KLRG1: variants seen among roughly 807,000 people sequenced by gnomAD.
KLRG1 encodes the protein killer cell lectin like receptor G1.
Under a neutral mutation model 21.8 loss-of-function variants are expected in KLRG1, and 16 were observed. The ratio of observed to expected loss-of-function variants is 0.73; its 90% CI spans 0.50 to 1.11. The LOEUF is 1.11. Ranked by LOEUF, KLRG1 falls within the 50% of genes most tolerant of loss-of-function variation. The pLI, the probability that KLRG1 is intolerant of heterozygous loss-of-function variation, is 0.00. For synonymous variants in KLRG1, 69 were observed against 75.9 expected (o/e 0.91, Z 0.47); for missense variants, 173 against 218.3 (o/e 0.79, Z 1.31).
At chr12:9,142,071 A>C in the KLRG1 span, among the ~76,000 whole-genome samples, 1 of 152,182 alleles carries the variant, frequency 6.6e-6, no homozygotes, top group Non-Finnish European at 1.5e-5. Context: ...TGTTGTAAAC[A>C]TCCCTCTCTT....
rs567115573 is a variant in KLRG1, at chr12:8,974,230, C to T, written c.-155-17976C>T. 7.1e-3 allele frequency among the ~76,000 whole-genome samples: 1,073 copies of T among 151,302 alleles called. 11 individuals carry two copies. The highest frequency in any genetic ancestry group is 0.024 in the African/African-American group (978 of 41,222). ...TTGCCCAGGCTGGAGTGCAGTGGCG[C>T]GATCTCGGCTCACTGCAAGCTCCGC... On this transcript the variant is annotated intron_variant, in intron 1 of 4. Coordinates refer to the KLRG1 transcript ENST00000539240.
the KLRG1 span, chr12:9,098,892 A>G: frequency 3.1e-5 from 28 of 892,452 alleles, no homozygotes; most frequent in South Asian, 1.2e-4. Context: ...CATTGTGTCA[A>G]TCCTGAAGCT....
the KLRG1 span, chr12:9,090,635 G>A: frequency 1.3e-6 from 1 of 760,878 alleles, no homozygotes; most frequent in Non-Finnish European, 2.1e-6. Context: ...ATATATTTAA[G>A]TGGATCTTAA....
chr12:9,202,715 GA>G, the KLRG1 span: 12 of 1,598,246 alleles, frequency 7.5e-6, no homozygotes, highest in Non-Finnish European at 1.0e-5. Context: ...TACTACTGAG[GA>G]ACTGTGCAGT....
At chr12:9,213,495 G>A in the KLRG1 span, among the ~76,000 whole-genome samples, 4 of 151,966 alleles carry the variant, frequency 2.6e-5, no homozygotes, top group Non-Finnish European at 5.9e-5. Flanking sequence ...TTGTTATTCT[G>A]TCTATATTTA....
At chr12:8,965,316 A>G (rs1261051507) in intron 1 of KLRG1, among the ~76,000 whole-genome samples, 1 of 152,142 alleles carries the variant, frequency 6.6e-6, no homozygotes, top group Non-Finnish European at 1.5e-5. Flanking sequence ...TATTCAACAT[A>G]GTGTTGGAAG....
chr12:8,972,258 C>G (rs1354894685), intron 1 of KLRG1, among the ~76,000 whole-genome samples: 1 of 152,076 alleles, frequency 6.6e-6, no homozygotes, highest in Non-Finnish European at 1.5e-5. Flanking sequence ...CCTGGGTTCA[C>G]ACCATTCTCC....
At chr12:9,105,643 G>A in the KLRG1 span, among the ~76,000 whole-genome samples, 3 of 151,878 alleles carry the variant, frequency 2.0e-5, no homozygotes, top group Non-Finnish European at 2.9e-5. Context: ...AGATTTTTTT[G>A]GTAGATAACA....
chr12:9,130,803 T>C, the KLRG1 span, among the ~76,000 whole-genome samples: 1 of 152,174 alleles, frequency 6.6e-6, no homozygotes, highest in Non-Finnish European at 1.5e-5. Flanking sequence ...TCAAGTTTGA[T>C]GTAGTCCCAT....
the KLRG1 span, among the ~76,000 whole-genome samples, chr12:9,174,114 A>G: frequency 6.6e-6 from 1 of 152,248 alleles, no homozygotes; most frequent in Non-Finnish European, 1.5e-5. Context: ...CAGCACGTCA[A>G]AAAGCTTATC....
intron 1 of KLRG1, among the ~76,000 whole-genome samples, chr12:8,966,491 A>G (rs1192380788): frequency 2.0e-5 from 3 of 152,190 alleles, no homozygotes; most frequent in East Asian, 3.8e-4. Context: ...CAAATTTACA[A>G]GAAAAAAACA....
chr12:9,130,468 GT>G, the KLRG1 span, among the ~76,000 whole-genome samples: 3,075 of 147,202 alleles, frequency 0.021, 120 homozygotes, highest in African/African-American at 0.072. Context: ...GTTACTTTCT[GT>G]TTTTTTTTTA....
chr12:9,097,755 C>T, the KLRG1 span, among the ~76,000 whole-genome samples: 1 of 151,814 alleles, frequency 6.6e-6, no homozygotes, highest in African/African-American at 2.4e-5. Flanking sequence ...GCCTCAGCCT[C>T]CTGAGTAGCT....
At chr12:9,074,617 G>A in the KLRG1 span, 1 of 1,613,942 alleles carries the variant, frequency 6.2e-7, no homozygotes, top group Middle Eastern at 1.6e-4. Context: ...ACTTCACGAT[G>A]TTGGTTGCAG....
chr12:9,121,091 G>T, the KLRG1 span, among the ~76,000 whole-genome samples: 2 of 151,956 alleles, frequency 1.3e-5, no homozygotes, highest in African/African-American at 4.8e-5. This position sits in a 1 kb window ranked among gnomAD's most constrained non-coding sequence, Gnocchi z 4.4. Context: ...CTACCATGTT[G>T]CTCAGGCTAG....
chr12:9,013,982 G>A (rs965661948), downstream of KLRG1, among the ~76,000 whole-genome samples: 32 of 152,256 alleles, frequency 2.1e-4, no homozygotes, highest in African/African-American at 6.7e-4. Flanking sequence ...ACTGAAGAAT[G>A]CATCAGAGTC....
At chr12:9,059,994 A>ATTTT in the KLRG1 span, among the ~76,000 whole-genome samples, 4 of 103,662 alleles carry the variant, frequency 3.9e-5, no homozygotes, top group Non-Finnish European at 5.7e-5. Flanking sequence ...CAGCCCTGGC[A>ATTTT]TCTTTTTTTT....
chr12:9,187,112 T>C, the KLRG1 span, among the ~76,000 whole-genome samples: 2 of 134,146 alleles, frequency 1.5e-5, no homozygotes, highest in Non-Finnish European at 3.2e-5. Flanking sequence ...AATTGCATAA[T>C]GGTAAAGGGT....
At chr12:9,152,230 G>C in the KLRG1 span, 1 of 1,603,540 alleles carries the variant, frequency 6.2e-7, no homozygotes, top group Non-Finnish European at 8.5e-7. Flanking sequence ...CATTTTTACT[G>C]TTGGTTTCAG....
Sources: allele counts gnomAD v4.1 joint callset (sites outside exome capture counted in the v4.1 genomes callset), GRCh38; gene constraint gnomAD v4.1.1; non-coding constraint Gnocchi (gnomAD v3.1); transcripts MANE v1.5; gene names NCBI Gene and HGNC (gene_info 2026-07-23, HGNC 2026-07-21).